Variants in DLG2 observed in about 807,000 individuals in gnomAD.
The protein encoded by DLG2 is discs large MAGUK scaffold protein 2.
Under a neutral mutation model 132.5 loss-of-function variants are expected in DLG2, and 45 were observed. That is an observed-to-expected ratio of 0.34 (90% CI 0.27 to 0.44). The LOEUF (loss-of-function observed/expected upper bound fraction) is 0.44. DLG2 is among the 20% of genes least tolerant of loss of function. The pLI, the probability that DLG2 is intolerant of heterozygous loss-of-function variation, is 1.00. For missense variants in DLG2, 1,045 were observed against 1,196.9 expected, an observed-to-expected ratio of 0.87 and a Z score of 1.87; for synonymous variants, 424 against 419.6, an observed-to-expected ratio of 1.01 and a Z score of -0.13.
intron 3 of DLG2, among the ~76,000 whole-genome samples, chr11:85,352,561 C>G (rs915633602): frequency 6.6e-6 from 1 of 152,138 alleles, no homozygotes; most frequent in Non-Finnish European, 1.5e-5. Flanking sequence ...AAATTTCCCT[C>G]TACACTCTGC....
chr11:85,077,271 G>A (rs184741788), intron 6 of DLG2, among the ~76,000 whole-genome samples: 94 of 152,074 alleles, frequency 6.2e-4, no homozygotes, highest in Admixed American at 5.7e-3. Flanking sequence ...GAACACCTGC[G>A]TTAAGGAGCA....
chr11:85,430,050 C>T (rs1195207231), intron 3 of DLG2, among the ~76,000 whole-genome samples: 1 of 152,110 alleles, frequency 6.6e-6, no homozygotes, highest in Non-Finnish European at 1.5e-5. Flanking sequence ...GAGTTCATGT[C>T]CTTTGTAAGG....
chr11:84,197,036 CAAA>C lies in DLG2; in HGVS notation c.574-33528_574-33526del, dbSNP rs60877284. ...TGGGCAACAGAGTGCGACTCTTTCT[CAAA>C]AAAAAAAAAAAAAAAAAGAAAGAAA... On this transcript the variant is annotated intron_variant, in intron 8 of 27. Coordinates refer to ENST00000376104, the MANE Select transcript of DLG2 (RefSeq NM_001142699.3). Among the ~76,000 whole-genome samples, 679 of 87,922 alleles carry C rather than the reference CAAA, an allele frequency of 7.7e-3. 3 individuals are homozygous for C. Among genetic ancestry groups the C allele is most frequent in the African/African-American group, 0.026 (587 of 22,790 alleles). The allele number at this position is 87,922 out of a possible 152,430, so 57.7% of individuals were successfully genotyped here.
chr11:84,287,887 AG>A (rs1172288087), intron 7 of DLG2, among the ~76,000 whole-genome samples: 1 of 152,054 alleles, frequency 6.6e-6, no homozygotes, highest in Non-Finnish European at 1.5e-5. Flanking sequence ...GAGAGCCAAT[AG>A]GTGAACTTGG....
intron 11 of DLG2, among the ~76,000 whole-genome samples, chr11:84,055,843 A>C (rs1458287580): frequency 6.6e-6 from 1 of 152,036 alleles, no homozygotes; most frequent in Non-Finnish European, 1.5e-5. Flanking sequence ...GAACTATCTG[A>C]ATTTTCTTTG....
chr11:85,347,803 T>TA (rs1252876167), intron 3 of DLG2, among the ~76,000 whole-genome samples: 27 of 137,446 alleles, frequency 2.0e-4, no homozygotes, highest in Non-Finnish European at 3.9e-4. Flanking sequence ...CACTCTTTTT[T>TA]TTTTTTTTTT....
At chr11:83,865,590 C>T (rs1438997224) in intron 16 of DLG2, among the ~76,000 whole-genome samples, 1 of 151,526 alleles carries the variant, frequency 6.6e-6, no homozygotes, top group Non-Finnish European at 1.5e-5. Flanking sequence ...TAAAAGGGGC[C>T]AAGGGAGGAA....
chr11:83,991,716 T>C (rs2093723678), intron 11 of DLG2, among the ~76,000 whole-genome samples: 1 of 152,146 alleles, frequency 6.6e-6, no homozygotes, highest in Non-Finnish European at 1.5e-5. Flanking sequence ...ATTTCTATAT[T>C]ACAAACCATC....
intron 4 of DLG2, among the ~76,000 whole-genome samples, chr11:85,239,856 A>G (rs562665062): frequency 6.6e-6 from 1 of 151,918 alleles, no homozygotes; most frequent in South Asian, 2.1e-4. Context: ...TGCTATGACT[A>G]TTCTTGTCTA....
At chr11:83,805,625 T>C (rs542031855) in intron 17 of DLG2, among the ~76,000 whole-genome samples, 1 of 152,266 alleles carries the variant, frequency 6.6e-6, no homozygotes, top group South Asian at 2.1e-4. Flanking sequence ...AGTCATCTTG[T>C]ATATCACAAC....
At chr11:83,858,256 G>T (rs2154042588) in intron 16 of DLG2, among the ~76,000 whole-genome samples, 1 of 152,260 alleles carries the variant, frequency 6.6e-6, no homozygotes, top group South Asian at 2.1e-4. Flanking sequence ...CAAGAAAAAT[G>T]GCTTCTTGGG....
chr11:84,841,007 G>GT (rs2080591040), intron 6 of DLG2, among the ~76,000 whole-genome samples: 1 of 147,114 alleles, frequency 6.8e-6, no homozygotes, highest in Non-Finnish European at 1.5e-5. Context: ...AAAAAAAATA[G>GT]TAAAAAAAAA....
At chr11:84,324,175 G>C (rs1456808079) in intron 7 of DLG2, among the ~76,000 whole-genome samples, 1 of 151,884 alleles carries the variant, frequency 6.6e-6, no homozygotes, top group East Asian at 1.9e-4. Flanking sequence ...TTTTTATCCA[G>C]GAGTTTTATA....
intron 8 of DLG2, among the ~76,000 whole-genome samples, chr11:84,163,856 G>C (rs1555389670): frequency 6.6e-6 from 1 of 152,042 alleles, no homozygotes; most frequent in Non-Finnish European, 1.5e-5. Context: ...TAATTTTCTT[G>C]TTTTTTAAAA....
intron 14 of DLG2, among the ~76,000 whole-genome samples, chr11:83,956,990 T>C (rs991536246): frequency 3.3e-5 from 5 of 152,256 alleles, no homozygotes; most frequent in South Asian, 2.1e-4. Context: ...CTTTCTGGTG[T>C]GTCGACTTCA....
At position 83,690,940 on chromosome 11, in the gene DLG2, A is replaced by G. The variant is rs566923579; in HGVS notation, c.1826-57615T>C. ...TATTGTCTATGGCTGCTTTTGCACT[A>G]CAATGGCAAAGTTGACTATTTCAAT... On this transcript the variant is annotated intron_variant, in intron 18 of 27. Coordinates refer to ENST00000376104, the MANE Select transcript of DLG2 (RefSeq NM_001142699.3). Among the ~76,000 whole-genome samples, 15 of 152,336 alleles carry G rather than the reference A, an allele frequency of 9.8e-5. No individual in the cohort carries two copies. The South Asian group carries it at 2.3e-3, about 23-fold the overall frequency.
rs2099213745 is a variant in DLG2, at chr11:84,502,238, CCT to C, written c.519+32330_519+32331del. Among the ~76,000 whole-genome samples, 15 of 32,076 alleles carry C rather than the reference CCT, an allele frequency of 4.7e-4. 6 individuals are homozygous for C. In the African/African-American group the frequency reaches 8.4e-3, roughly 18 times the overall value. 21.0% of individuals were successfully genotyped at this position (32,076 alleles called of 152,430 possible). On this transcript the variant is annotated intron_variant, in intron 7 of 27. Transcript: ENST00000376104. ...TCCTTCCTTCCTTCCTTCCTTCCTT[CCT>C]TCCTTCCTTCCTTCCTTCCTTCCTT... is the stretch of plus-strand genomic sequence containing the variant.
intron 6 of DLG2, among the ~76,000 whole-genome samples, chr11:85,099,759 G>A (rs922413443): frequency 2.0e-5 from 3 of 152,270 alleles, no homozygotes; most frequent in South Asian, 2.1e-4. Flanking sequence ...GATGATGTCC[G>A]TGTTTGTTCC....
At chr11:84,690,010 G>A (rs2057830941) in intron 6 of DLG2, among the ~76,000 whole-genome samples, 2 of 151,932 alleles carry the variant, frequency 1.3e-5, no homozygotes, top group African/African-American at 2.4e-5. Context: ...AACCCAGGCA[G>A]AGAAAAGCAA....
Sources: gnomAD v4.1 joint callset for allele counts (sites outside exome capture counted in the v4.1 genomes callset) on GRCh38, gnomAD v4.1.1 for gene constraint, MANE v1.5 for transcripts, NCBI Gene and HGNC (gene_info 2026-07-23, HGNC 2026-07-21) for gene names.